PALM2AKAP2: variants seen among roughly 807,000 people sequenced by gnomAD.
The protein encoded by PALM2AKAP2 is PALM2-AKAP2 fusion protein.
PALM2AKAP2 carries 37 observed loss-of-function variants against 71.5 expected under a neutral mutation model. The ratio of observed to expected loss-of-function variants is 0.52; its 90% confidence interval spans 0.40 to 0.68. The LOEUF (loss-of-function observed/expected upper bound fraction) is 0.68, where lower values mean the gene tolerates loss of function less well. PALM2AKAP2 is among the 30% of genes least tolerant of loss of function. The pLI is 0.00. For missense variants in PALM2AKAP2, 1,224 were observed against 1,191.8 expected, an observed-to-expected ratio of 1.03 and a Z score of -0.40; for synonymous variants, 468 against 478.8, an observed-to-expected ratio of 0.98 and a Z score of 0.29.
chr9:110,079,056 C>T (rs925833638), intron 1 of PALM2AKAP2, among the ~76,000 whole-genome samples: 1 of 152,182 alleles, frequency 6.6e-6, no homozygotes, highest in Non-Finnish European at 1.5e-5. Context: ...CTTTGCTTCC[C>T]TCAGTGATTA....
intron 7 of PALM2AKAP2, among the ~76,000 whole-genome samples, chr9:110,027,041 T>TCAAAAA (rs1350609114): frequency 6.6e-6 from 1 of 152,050 alleles, no homozygotes; most frequent in South Asian, 2.1e-4. Flanking sequence ...AGATGCAGTC[T>TCAAAAA]CAAAAACAAA....
intron 7 of PALM2AKAP2, among the ~76,000 whole-genome samples, chr9:110,027,422 A>C (rs767371937): frequency 5.3e-5 from 8 of 152,234 alleles, no homozygotes; most frequent in Admixed American, 5.2e-4. Flanking sequence ...CCTCTTGTCC[A>C]TATATACTAA....
At chr9:109,699,267 A>T (rs1368534202) in intron 1 of PALM2AKAP2, among the ~76,000 whole-genome samples, 1 of 152,358 alleles carries the variant, frequency 6.6e-6, no homozygotes, top group Non-Finnish European at 1.5e-5. Flanking sequence ...GAAAAGATTC[A>T]ACACAGCTGT....
chr9:110,029,604 TGCA>T (rs2132406708), intron 7 of PALM2AKAP2, among the ~76,000 whole-genome samples: 1 of 152,382 alleles, frequency 6.6e-6, no homozygotes, highest in African/African-American at 2.4e-5. Context: ...AGAGCCTGTC[TGCA>T]GATAAGCCTC....
chr9:110,136,150 T>C, exon 2 of PALM2AKAP2: 1 of 1,592,228 alleles, frequency 6.3e-7, no homozygotes, highest in South Asian at 1.2e-5. Flanking sequence ...TTTCTGAGGA[T>C]GATATCTGGC....
chr9:110,063,693 G>C (rs181589917), intron 1 of PALM2AKAP2, among the ~76,000 whole-genome samples: 1 of 151,908 alleles, frequency 6.6e-6, no homozygotes, highest in Non-Finnish European at 1.5e-5. Flanking sequence ...ATCCACCCAC[G>C]TTAGCCTCCC....
intron 1 of PALM2AKAP2, among the ~76,000 whole-genome samples, chr9:109,705,658 C>T (rs570912249): frequency 6.6e-6 from 1 of 152,254 alleles, no homozygotes; most frequent in South Asian, 2.1e-4. Context: ...GGCAGAACTA[C>T]CCAGTTAAGG....
intron 6 of PALM2AKAP2, among the ~76,000 whole-genome samples, chr9:109,998,677 G>A (rs1476690260): frequency 1.3e-5 from 2 of 151,056 alleles, no homozygotes; most frequent in Non-Finnish European, 2.9e-5. Context: ...TAAGGTGGGA[G>A]GATTGCTTGA....
intron 1 of PALM2AKAP2, among the ~76,000 whole-genome samples, chr9:109,717,597 A>G (rs1282341301): frequency 6.6e-6 from 1 of 152,254 alleles, no homozygotes; most frequent in African/African-American, 2.4e-5. Flanking sequence ...TAGACGCCAT[A>G]GAAGGTCTTC....
intron 7 of PALM2AKAP2, among the ~76,000 whole-genome samples, chr9:110,016,562 C>A (rs888198140): frequency 6.6e-6 from 1 of 152,184 alleles, no homozygotes; most frequent in Non-Finnish European, 1.5e-5. Flanking sequence ...CAAAGGTTTA[C>A]AAAATGAGTC....
chr9:109,916,027 T>A (rs1830681376), intron 3 of PALM2AKAP2, among the ~76,000 whole-genome samples: 1 of 151,912 alleles, frequency 6.6e-6, no homozygotes, highest in South Asian at 2.1e-4. Flanking sequence ...CACTGCAACC[T>A]CTGCCTCCCA....
chr9:109,648,202 G>A (rs557547126), intron 1 of PALM2AKAP2, among the ~76,000 whole-genome samples: 1 of 152,268 alleles, frequency 6.6e-6, no homozygotes, highest in Admixed American at 6.5e-5. Context: ...GGCCTCTCCA[G>A]CCATGCAGAA....
rs56938333 is a variant in PALM2AKAP2, at chr9:109,851,209, CAAA to C, written c.46-16271_46-16269del. Among the ~76,000 whole-genome samples, 266 of 144,988 alleles carry C rather than the reference CAAA, an allele frequency of 1.8e-3. 1 individual carries two copies. The highest frequency in any genetic ancestry group is 6.3e-3 in the African/African-American group (245 of 38,600). ...ACAACAACAACAACAACAACAACAA[CAAA>C]AAAAAAAAAACACTACCTGGTAGTG... On this transcript the variant is annotated intron_variant, in intron 1 of 9. Coordinates refer to the PALM2AKAP2 transcript ENST00000302798.
At chr9:109,783,083 C>T (rs1826862880) in intron 1 of PALM2AKAP2, among the ~76,000 whole-genome samples, 1 of 152,056 alleles carries the variant, frequency 6.6e-6, no homozygotes, top group South Asian at 2.1e-4. Flanking sequence ...ACTGGGATTC[C>T]AGTCTGCAGG....
At chr9:109,978,220 A>T (rs1459065763) in intron 6 of PALM2AKAP2, among the ~76,000 whole-genome samples, 1 of 152,164 alleles carries the variant, frequency 6.6e-6, no homozygotes, top group Non-Finnish European at 1.5e-5. Context: ...CCTGGAACTC[A>T]CAGTCTAGAA....
chr9:109,745,327 G>A (rs930044797), intron 1 of PALM2AKAP2, among the ~76,000 whole-genome samples: 2 of 152,072 alleles, frequency 1.3e-5, no homozygotes, highest in African/African-American at 2.4e-5. Context: ...ACTCCAGCCT[G>A]GGCATCAAAG....
At chr9:110,125,577 A>C in intron 1 of PALM2AKAP2, 1 of 985,424 alleles carries the variant, frequency 1.0e-6, no homozygotes, top group South Asian at 4.7e-5. Context: ...AGGAGGTTTG[A>C]GGCGCGCGCT....
chr9:110,158,259 C>T (rs368812265), intron 3 of PALM2AKAP2, among the ~76,000 whole-genome samples: 1 of 152,202 alleles, frequency 6.6e-6, no homozygotes, highest in Non-Finnish European at 1.5e-5. Flanking sequence ...ACTTGGTGCT[C>T]TAGGTGTCTG....
In PALM2AKAP2 at chr9:110,152,619, A is replaced by G. The variant is rs17805592; in HGVS notation, c.2570-3700A>G. Among the ~76,000 whole-genome samples the G allele has an allele frequency of 5.5e-3, 838 of 152,324 alleles. 3 individuals are homozygous for G. Among genetic ancestry groups the G allele is most frequent in the Non-Finnish European group, 8.9e-3 (607 of 68,012 alleles). ...GCATCACATTCATTTAATGATCTTCAAGACCCAAACAGTGGTGCTGTCTGC... is the reference window on the plus strand; with the variant it reads ...GCATCACATTCATTTAATGATCTTCGAGACCCAAACAGTGGTGCTGTCTGC... On this transcript the variant is annotated intron_variant, in intron 2 of 3. Transcript: ENST00000374525.
Sources: gnomAD v4.1 joint callset for allele counts (sites outside exome capture counted in the v4.1 genomes callset) on GRCh38, gnomAD v4.1.1 for gene constraint, MANE v1.5 for transcripts, NCBI Gene and HGNC (gene_info 2026-07-23, HGNC 2026-07-21) for gene names.